B3GNT4: variants seen among roughly 807,000 people sequenced by gnomAD.
The protein encoded by B3GNT4 is UDP-GlcNAc:betaGal beta-1,3-N-acetylglucosaminyltransferase 4.
A neutral mutation model predicts 2.7 loss-of-function variants in B3GNT4; 2 were observed. The observed-to-expected ratio is 0.73, with a 90% CI of 0.30 to 2.31. The LOEUF (loss-of-function observed/expected upper bound fraction) is 2.31. Among genes scored for constraint, B3GNT4 ranks in the 30% most tolerant of loss-of-function variants. The pLI is 0.12. For synonymous variants in B3GNT4, 280 were observed against 203.4 expected (o/e 1.38, Z -3.20); for missense variants, 708 against 490.9 (o/e 1.44, Z -4.18).
Position 122,206,690 on chromosome 12 carries a change from TG to T in B3GNT4, c.442del (p.Ala148LeufsTer6). 1.2e-6 allele frequency: 2 copies of T among 1,612,380 alleles called. No individual in the cohort carries two copies. Among genetic ancestry groups the T allele is most frequent in the Non-Finnish European group, 1.7e-6 (2 of 1,179,390 alleles). ...CAGCACGTGGGGCAGGGTGGGGGGA[TG>T]GGCTAGGGGCCGGCAGCTGAAGCTG... is the stretch of plus-strand genomic sequence containing the variant. ...IRSTWGRVGG[W>X]ARGRQLKLVF... is the part of the protein sequence containing the mutation. On this transcript the variant is annotated frameshift_variant, in exon 3 of 3. Coordinates refer to ENST00000324189, the MANE Select transcript of B3GNT4 (RefSeq NM_030765.4). LOFTEE classifies it low-confidence loss of function (END_TRUNC).
Position 122,207,340 on chromosome 12 carries a change from G to A in B3GNT4, c.1089G>A (p.Val363=). The change falls in exon 3 of 3, where the codon GTG becomes GTA. Residue 363 remains valine, a synonymous_variant. Transcript: ENST00000324189. ...PLEMWTMWAL[V]TDEGLKCAAG... is the part of the protein sequence containing the mutation. ...AGATGTGGACCATGTGGGCACTGGT[G>A]ACAGATGAGGGGCTCAAGTGTGCAG... is the stretch of plus-strand genomic sequence containing the variant. 6.2e-7 allele frequency: 1 copy of A among 1,604,378 alleles called. No homozygotes were observed. The highest frequency in any genetic ancestry group is 8.5e-7 in the Non-Finnish European group (1 of 1,174,566).
chr12:122,206,507 T>C lies in B3GNT4; in HGVS notation c.256T>C (p.Ser86Pro), dbSNP rs1953918725. The C allele has an allele frequency of 8.7e-6, 14 of 1,613,902 alleles. No homozygotes were observed. The highest frequency in any genetic ancestry group is 1.1e-5 in the Non-Finnish European group (13 of 1,179,920). ...ACCCAACCACACAGTGTCTAGCGCC[T>C]CTCTGTCCCTGCCTAGCCGTCACCG... ...CPPNHTVSSA[S>P]LSLPSRHRLF... The change falls in exon 3 of 3, where the codon TCT becomes CCT. Residue 86 changes from serine (S) to proline (P), a missense_variant. Coordinates refer to ENST00000324189, the MANE Select transcript of B3GNT4 (RefSeq NM_030765.4).
In B3GNT4 at chr12:122,207,707, A is replaced by ATCTT; in HGVS notation, c.*320_*323dup. On this transcript the variant is annotated 3_prime_UTR_variant, in exon 3 of 3. Transcript: ENST00000324189. ...ATTTTCTCTTTCAGATGCAAACAAA[A>ATCTT]TCTTACACTCTTCTCCTTTGGATAC... is the stretch of plus-strand genomic sequence containing the variant. 1 of 554,602 alleles carries ATCTT rather than the reference A, an allele frequency of 1.8e-6. No individual in the cohort carries two copies. Among genetic ancestry groups the ATCTT allele is most frequent in the Non-Finnish European group, 3.4e-6 (1 of 292,420 alleles). The allele number at this position is 554,602 out of a possible 1,614,324, so 34.4% of individuals were successfully genotyped here. A position where few individuals can be genotyped will look rare whatever the true frequency, so the allele number is the denominator to read the frequency against.
In B3GNT4 at chr12:122,207,466, C is replaced by G. The variant is rs1953949844; in HGVS notation, c.*78C>G. On this transcript the variant is annotated 3_prime_UTR_variant, in exon 3 of 3. Transcript: ENST00000324189. ...TGATGCGAAATTGATGCCTGCTGCT[C>G]TACAGAAAATGCCAACTTGGTTTTT... 8.2e-6 allele frequency: 11 copies of G among 1,347,458 alleles called. No individual in the cohort carries two copies. Among genetic ancestry groups the G allele is most frequent in the Non-Finnish European group, 1.1e-5 (11 of 1,012,868 alleles). The allele number at this position is 1,347,458 out of a possible 1,614,324, so 83.5% of individuals were successfully genotyped here. A position where few individuals can be genotyped will look rare whatever the true frequency, so the allele number is the denominator to read the frequency against.
In B3GNT4 at chr12:122,208,055, A is replaced by T; in HGVS notation, c.*667A>T. 1.8e-6 allele frequency: 1 copy of T among 564,898 alleles called. No individual in the cohort carries two copies. The highest frequency in any genetic ancestry group is 3.3e-6 in the Non-Finnish European group (1 of 299,362). 35.0% of individuals were successfully genotyped at this position (564,898 alleles called of 1,614,324 possible). A position where few individuals can be genotyped will look rare whatever the true frequency, so the allele number is the denominator to read the frequency against. ...AACAGGTTAAACAGTTGCTGAACTT[A>T]AGGGCATGACAAAAAGGACTCCTCT... On this transcript the variant is annotated 3_prime_UTR_variant, in exon 3 of 3. Coordinates refer to ENST00000324189, the MANE Select transcript of B3GNT4 (RefSeq NM_030765.4).
In B3GNT4 at chr12:122,206,314, G is replaced by A; in HGVS notation, c.67-4G>A. 6.5e-7 allele frequency: 1 copy of A among 1,549,602 alleles called. No individual in the cohort carries two copies. The highest frequency in any genetic ancestry group is 8.7e-7 in the Non-Finnish European group (1 of 1,148,252). ...GCCCTGCTCAGGTGGCTCTCTCCTT[G>A]CAGGGACCGGCGATGCTCTGCAGGC... is the stretch of plus-strand genomic sequence containing the variant. On this transcript the variant is annotated splice_polypyrimidine_tract_variant and splice_region_variant and intron_variant, in intron 2 of 2. Coordinates refer to ENST00000324189, the MANE Select transcript of B3GNT4 (RefSeq NM_030765.4).
rs148145747 is a variant in B3GNT4, at chr12:122,207,611, C to T, written c.*223C>T. The T allele has an allele frequency of 1.3e-4, 82 of 629,608 alleles. No individual in the cohort carries two copies. Among genetic ancestry groups the T allele is most frequent in the African/African-American group, 1.2e-3 (64 of 54,564 alleles). The allele number at this position is 629,608 out of a possible 1,614,324, so 39.0% of individuals were successfully genotyped here. ...CTGCCAGGAACCTGTCGGGGCATTC[C>T]GGGCGCTGCCTGGGGCGCTGCAGTC... On this transcript the variant is annotated 3_prime_UTR_variant, in exon 3 of 3. Transcript: ENST00000324189.
At position 122,206,308 on chromosome 12, in the gene B3GNT4, C is replaced by T. The variant is rs773002944; in HGVS notation, c.67-10C>T. The T allele has an allele frequency of 5.2e-6, 8 of 1,545,492 alleles. No homozygotes were observed. The highest frequency in any genetic ancestry group is 7.0e-6 in the Non-Finnish European group (8 of 1,146,740). On this transcript the variant is annotated splice_polypyrimidine_tract_variant and intron_variant, in intron 2 of 2. Coordinates refer to ENST00000324189, the MANE Select transcript of B3GNT4 (RefSeq NM_030765.4). ...GGCTGGGCCCTGCTCAGGTGGCTCT[C>T]TCCTTGCAGGGACCGGCGATGCTCT...
At position 122,204,553 on chromosome 12, in the gene B3GNT4, C is replaced by T. The variant is rs1953889360; in HGVS notation, c.-66C>T. On this transcript the variant is annotated 5_prime_UTR_variant, in exon 2 of 3. Transcript: ENST00000324189. ...GTGCTCGCACACCTGAGACTCATCTCGCTTCGACCCCGCCGCCGCCGCCGC... is the reference window on the plus strand; with the variant it reads ...GTGCTCGCACACCTGAGACTCATCTTGCTTCGACCCCGCCGCCGCCGCCGC... 1 of 1,380,824 alleles carries T rather than the reference C, an allele frequency of 7.2e-7. No individual in the cohort carries two copies. Among genetic ancestry groups the T allele is most frequent in the Non-Finnish European group, 1.0e-6 (1 of 981,882 alleles). The allele number at this position is 1,380,824 out of a possible 1,614,324, so 85.5% of individuals were successfully genotyped here. A position where few individuals can be genotyped will look rare whatever the true frequency, so the allele number is the denominator to read the frequency against.
Position 122,207,112 on chromosome 12 carries a change from A to C in B3GNT4, c.861A>C (p.Thr287=), listed in dbSNP as rs755579614. 6.2e-7 allele frequency: 1 copy of C among 1,614,024 alleles called. No homozygotes were observed. Among genetic ancestry groups the C allele is most frequent in the African/African-American group, 1.3e-5 (1 of 74,916 alleles). ...GGGGYVMSRA[T]VRRLQAIMED... Reference sequence around the variant, plus strand: ...GAGGATATGTCATGTCCAGAGCCACAGTGCGGCGCCTCCAGGCTATCATGG... The same window carrying C: ...GAGGATATGTCATGTCCAGAGCCACCGTGCGGCGCCTCCAGGCTATCATGG... Residue 287 remains threonine, a synonymous_variant, in exon 3 of 3, where the codon ACA becomes ACC. Transcript: ENST00000324189.
chr12:122,206,217 C>G (rs981997418), intron 2 of B3GNT4, 101 bp from the exon 3 acceptor site: 1 of 944,818 alleles, frequency 1.1e-6, no homozygotes, highest in Non-Finnish European at 1.6e-6. Flanking sequence ...AGTCCAGAGG[C>G]CAGCAGGGAC....
chr12:122,206,162 G>A, intron 2 of B3GNT4, 156 bp from the exon 3 acceptor site: 1 of 601,158 alleles, frequency 1.7e-6, no homozygotes, highest in Non-Finnish European at 2.8e-6. Context: ...ATCCTCAGGG[G>A]AGGGAGGACT....
intron 2 of B3GNT4, 47 bp from the exon 3 acceptor site, chr12:122,206,271 A>G (rs1404665532): frequency 6.8e-7 from 1 of 1,463,562 alleles, no homozygotes; most frequent in Non-Finnish European, 9.1e-7. Flanking sequence ...ACTCTTGGGG[A>G]CAGGGACCCG....
rs778283297 is a variant in B3GNT4, at chr12:122,206,505, CCT to C, written c.259_260del (p.Leu87ValfsTer4). 59 of 1,614,084 alleles carry C rather than the reference CCT, an allele frequency of 3.7e-5. No individual in the cohort carries two copies. Among genetic ancestry groups the C allele is most frequent in the Admixed American group, 6.7e-5 (4 of 60,006 alleles). On this transcript the variant is annotated frameshift_variant, in exon 3 of 3. Transcript: ENST00000324189. LOFTEE classifies it low-confidence loss of function (END_TRUNC). Reference sequence around the variant, plus strand: ...CCACCCAACCACACAGTGTCTAGCGCCTCTCTGTCCCTGCCTAGCCGTCACCG... The same window carrying C: ...CCACCCAACCACACAGTGTCTAGCGCCTCTGTCCCTGCCTAGCCGTCACCG...
Position 122,206,706 on chromosome 12 carries a change from A to G in B3GNT4, c.455A>G (p.Gln152Arg), listed in dbSNP as rs781413400. The G allele has an allele frequency of 1.2e-6, 2 of 1,610,274 alleles. No individual in the cohort carries two copies. Among genetic ancestry groups the G allele is most frequent in the Non-Finnish European group, 8.5e-7 (1 of 1,177,924 alleles). ...GRVGGWARGR[Q>R]LKLVFLLGVA... is the part of the protein sequence containing the mutation. ...GTGGGGGGATGGGCTAGGGGCCGGC[A>G]GCTGAAGCTGGTGTTCCTCCTAGGG... The change falls in exon 3 of 3, where the codon CAG becomes CGG. Residue 152 changes from glutamine (Q) to arginine (R), a missense_variant. Transcript: ENST00000324189.
In B3GNT4 at chr12:122,207,490, TTTAACTCCTCTCACC is replaced by T; in HGVS notation, c.*103_*117del. On this transcript the variant is annotated 3_prime_UTR_variant, in exon 3 of 3. Transcript: ENST00000324189. The stretch of plus-strand genomic sequence containing the variant: ...TCTACAGAAAATGCCAACTTGGTTT[TTTAACTCCTCTCACC>T]CTGTTAGCTCTGATTAAAAACACTG... 2 of 1,099,390 alleles carry T rather than the reference TTTAACTCCTCTCACC, an allele frequency of 1.8e-6. No individual in the cohort carries two copies. Among genetic ancestry groups the T allele is most frequent in the Non-Finnish European group, 2.5e-6 (2 of 791,712 alleles). The allele number at this position is 1,099,390 out of a possible 1,614,324, so 68.1% of individuals were successfully genotyped here.
At chr12:122,204,887 T>G in intron 2 of B3GNT4, 1 of 547,410 alleles carries the variant, frequency 1.8e-6, no homozygotes, top group Non-Finnish European at 3.3e-6. Context: ...AAAAATAAAT[T>G]AGCCGGGCCC....
rs75843192 is a variant in B3GNT4 at position 122,207,383 on chromosome 12, C to T, written c.1132C>T (p.Arg378Cys). 28 of 1,545,908 alleles carry T rather than the reference C, an allele frequency of 1.8e-5. No homozygotes were observed. The highest frequency in any genetic ancestry group is 2.1e-5 in the Non-Finnish European group (24 of 1,147,866). Residue 378 changes from arginine (R) to cysteine (C), a missense_variant, in exon 3 of 3, where the codon CGC (arginine) becomes TGC (cysteine). Arg to Cys is a radical substitution (Grantham distance 180). Transcript: ENST00000324189. ...GTGTGCAGCTGGCCCCATACCCCAG[C>T]GCTGAAGGGTGGGTTGGGCAACAGC... The part of the protein sequence containing the change: ...LKCAAGPIPQ[R>C]
chr12:122,206,335 C>T lies in B3GNT4; in HGVS notation c.84C>T (p.Cys28=). ...GLLPKGPAML[C]RLCWLVSYSL... ...CCTTGCAGGGACCGGCGATGCTCTG[C>T]AGGCTGTGCTGGCTGGTCTCGTACA... Residue 28 remains cysteine, a synonymous_variant, in exon 3 of 3, where the codon TGC becomes TGT. Coordinates refer to ENST00000324189, the MANE Select transcript of B3GNT4 (RefSeq NM_030765.4). 6.3e-7 allele frequency: 1 copy of T among 1,581,220 alleles called. No homozygotes were observed. Among genetic ancestry groups the T allele is most frequent in the Non-Finnish European group, 8.6e-7 (1 of 1,163,728 alleles).
Sources: gnomAD v4.1 joint callset for allele counts on GRCh38, gnomAD v4.1.1 for gene constraint, MANE v1.5 for transcripts, NCBI Gene and HGNC (gene_info 2026-07-23, HGNC 2026-07-21) for gene names.